TMEM114: variants seen among roughly 807,000 people sequenced by gnomAD.
TMEM114 encodes the protein transmembrane protein 114.
In TMEM114, 6 loss-of-function variants were observed where a neutral mutation model predicts 6.2. That is an observed-to-expected ratio of 0.97 (90% CI 0.53 to 1.91). The LOEUF (loss-of-function observed/expected upper bound fraction) is 1.91, where lower values mean the gene tolerates loss of function less well. TMEM114 is among the 40% of genes most tolerant of loss of function. The probability of loss-of-function intolerance (pLI) is 0.01; values close to 1 mark genes in which losing one functional copy is unlikely to be tolerated. For missense variants in TMEM114, 218 were observed against 158.3 expected, an observed-to-expected ratio of 1.38 and a Z score of -2.02; for synonymous variants, 104 against 73.0, an observed-to-expected ratio of 1.42 and a Z score of -2.16.
chr16:8,529,614 C>T, the TMEM114 span, among the ~76,000 whole-genome samples: 4 of 152,016 alleles, frequency 2.6e-5, no homozygotes, highest in African/African-American at 9.7e-5. Flanking sequence ...ACCCAGGAAC[C>T]TACATTGATA....
intron 2 of TMEM114, among the ~76,000 whole-genome samples, chr16:8,543,266 A>G (rs1900568319): frequency 6.6e-6 from 1 of 152,076 alleles, no homozygotes; most frequent in African/African-American, 2.4e-5. Context: ...AATTTAGACT[A>G]TGTCACTTTT....
At chr16:8,528,964 G>C in the TMEM114 span, among the ~76,000 whole-genome samples, 1 of 152,194 alleles carries the variant, frequency 6.6e-6, no homozygotes, top group East Asian at 1.9e-4. Flanking sequence ...ATCCCTGGCA[G>C]ACTCTAGATC....
At chr16:8,578,515 C>T (rs1047148735) in intron 2 of TMEM114, among the ~76,000 whole-genome samples, 6 of 152,188 alleles carry the variant, frequency 3.9e-5, no homozygotes, top group African/African-American at 7.2e-5. Flanking sequence ...GTCTGAATTA[C>T]ACCTGCAAAG....
At chr16:8,551,422 T>C (rs1489613453) in intron 2 of TMEM114, among the ~76,000 whole-genome samples, 4 of 152,218 alleles carry the variant, frequency 2.6e-5, no homozygotes, top group Admixed American at 2.0e-4. Flanking sequence ...TACACTGTTA[T>C]AGTTAAAAAT....
At chr16:8,581,469 TGA>T (rs1376089738) in intron 2 of TMEM114, among the ~76,000 whole-genome samples, 2 of 152,188 alleles carry the variant, frequency 1.3e-5, no homozygotes, top group Admixed American at 1.3e-4. Context: ...TGTGTGTGTG[TGA>T]GAGACAGGGT....
chr16:8,563,774 T>C (rs1370786443), intron 2 of TMEM114, among the ~76,000 whole-genome samples: 4 of 145,788 alleles, frequency 2.7e-5, no homozygotes, highest in African/African-American at 1.1e-4. Context: ...AATGAGTGAG[T>C]GAATGACTGA....
chr16:8,575,631 A>C (rs1002212506), intron 2 of TMEM114, among the ~76,000 whole-genome samples: 5 of 152,180 alleles, frequency 3.3e-5, no homozygotes, highest in African/African-American at 1.2e-4. Context: ...TCTGTAGGCA[A>C]GTTACTTTAT....
At position 8,569,936 on chromosome 16, in the gene TMEM114, C is replaced by T. The variant is rs1265013837; in HGVS notation, c.509G>A (p.Cys170Tyr). ...YSAAAFREAL[C>Y]LLEEKALLDQ... The stretch of plus-strand genomic sequence containing the variant: ...CAGGAGGGCCTTCTCCTCCAAGAGA[C>T]ACAGCGCCTCCCGGAAGGCGGCGGC... Residue 170 changes from cysteine (C) to tyrosine (Y), a missense_variant, in exon 4 of 4, where the codon TGT becomes TAT. Cys to Tyr is a radical substitution (Grantham distance 194). Transcript: ENST00000620492. The T allele has an allele frequency of 1.9e-6, 3 of 1,551,154 alleles. No individual in the cohort carries two copies. Among genetic ancestry groups the T allele is most frequent in the Admixed American group, 2.0e-5 (1 of 51,010 alleles).
chr16:8,577,652 C>G (rs1048206700), intron 2 of TMEM114, among the ~76,000 whole-genome samples: 1 of 151,780 alleles, frequency 6.6e-6, no homozygotes, highest in African/African-American at 2.4e-5. Context: ...GGTGCCATCT[C>G]AGATCACTGC....
chr16:8,545,979 G>A (rs566912380), intron 2 of TMEM114, among the ~76,000 whole-genome samples: 27 of 152,188 alleles, frequency 1.8e-4, no homozygotes, highest in African/African-American at 5.3e-4. Flanking sequence ...GCTGAGTGTG[G>A]TGGTGTGTGC....
chr16:8,567,207 C>T (rs1272116015), downstream of TMEM114, among the ~76,000 whole-genome samples: 1 of 152,062 alleles, frequency 6.6e-6, no homozygotes, highest in East Asian at 1.9e-4. Context: ...TGGCGCCCGG[C>T]CTCATCACCC....
intron 2 of TMEM114, among the ~76,000 whole-genome samples, chr16:8,541,165 A>C (rs932014410): frequency 2.0e-5 from 3 of 152,100 alleles, no homozygotes; most frequent in Non-Finnish European, 4.4e-5. Flanking sequence ...TATCGTCTAA[A>C]CTCATGACAA....
In TMEM114 at chr16:8,550,864, G is replaced by T. The variant is rs371463660; in HGVS notation, n.213-13038C>A. On this transcript the variant is annotated intron_variant and non_coding_transcript_variant, in intron 2 of 2. Coordinates refer to the TMEM114 transcript ENST00000623677. ...CCCTGTGGTCCTCGCTGAACCCACA[G>T]GATAGAACATCCACTGCTCTCCTCC... is the stretch of plus-strand genomic sequence containing the variant. Among the ~76,000 whole-genome samples, 167 of 152,218 alleles carry T rather than the reference G, an allele frequency of 1.1e-3. 1 individual carries two copies. Among genetic ancestry groups the T allele is most frequent in the African/African-American group, 4.0e-3 (166 of 41,518 alleles).
intron 2 of TMEM114, among the ~76,000 whole-genome samples, chr16:8,584,155 AAAG>A (rs1376891643): frequency 6.6e-6 from 1 of 152,222 alleles, no homozygotes; most frequent in Non-Finnish European, 1.5e-5. Flanking sequence ...CAAAGCCCAA[AAAG>A]AAGAGGAAAG....
downstream of TMEM114, among the ~76,000 whole-genome samples, chr16:8,537,077 A>T (rs970128596): frequency 6.6e-6 from 1 of 152,136 alleles, no homozygotes; most frequent in East Asian, 1.9e-4. Context: ...TTGGTGGTGC[A>T]TACCTGTAGT....
intron 2 of TMEM114, among the ~76,000 whole-genome samples, chr16:8,552,771 G>C (rs1900886520): frequency 6.6e-6 from 1 of 150,668 alleles, no homozygotes; most frequent in African/African-American, 2.4e-5. Flanking sequence ...CTCTAACTCA[G>C]GGACCCTGGC....
At chr16:8,563,557 G>T (rs1293435162) in intron 2 of TMEM114, among the ~76,000 whole-genome samples, 1 of 150,742 alleles carries the variant, frequency 6.6e-6, no homozygotes, top group African/African-American at 2.5e-5. Context: ...AAGTGAATGA[G>T]TGACTGAGGG....
the TMEM114 span, among the ~76,000 whole-genome samples, chr16:8,527,970 C>T: frequency 3.9e-5 from 6 of 152,032 alleles, no homozygotes; most frequent in Non-Finnish European, 5.9e-5. Context: ...TGCAGTGGTG[C>T]GATCTCAGCT....
At chr16:8,537,084 T>A (rs557049344), downstream of TMEM114, among the ~76,000 whole-genome samples, 148 of 152,282 alleles carry the variant, frequency 9.7e-4, no homozygotes, top group Middle Eastern at 3.4e-3. Flanking sequence ...TGCATACCTG[T>A]AGTCCCAGCT....
Sources: gnomAD v4.1 joint callset for allele counts (sites outside exome capture counted in the v4.1 genomes callset) on GRCh38, gnomAD v4.1.1 for gene constraint, MANE v1.5 for transcripts, NCBI Gene and HGNC (gene_info 2026-07-23, HGNC 2026-07-21) for gene names.